The following RUNDC3B variants were observed in gnomAD, a reference collection of about 807,000 sequenced individuals.
RUNDC3B encodes the protein RUN domain-containing protein 3B.
RUNDC3B carries 33 observed loss-of-function variants against 58.4 expected under a neutral mutation model. The ratio of observed to expected loss-of-function variants is 0.56; its 90% CI spans 0.43 to 0.75. The LOEUF (loss-of-function observed/expected upper bound fraction) is 0.75. Ranked by LOEUF, RUNDC3B falls within the 30% of genes least tolerant of loss-of-function variation. The probability of loss-of-function intolerance (pLI) is 0.00; values close to 1 mark genes in which losing one functional copy is unlikely to be tolerated. For missense variants in RUNDC3B, 501 were observed against 535.7 expected, an observed-to-expected ratio of 0.94 and a Z score of 0.64; for synonymous variants, 193 against 195.2, an observed-to-expected ratio of 0.99 and a Z score of 0.10.
At chr7:87,822,631 A>G (rs1354651828) in intron 10 of RUNDC3B, among the ~76,000 whole-genome samples, 1 of 152,226 alleles carries the variant, frequency 6.6e-6, no homozygotes, top group East Asian at 1.9e-4. Context: ...AAGACTTGGA[A>G]CCAAGCCAAA....
At chr7:87,783,127 G>T (rs146340738) in intron 8 of RUNDC3B, among the ~76,000 whole-genome samples, 1 of 151,702 alleles carries the variant, frequency 6.6e-6, no homozygotes, top group Non-Finnish European at 1.5e-5. Flanking sequence ...ATGAATCTGG[G>T]TGCTCCAATG....
chr7:87,641,667 T>A lies in RUNDC3B; in HGVS notation c.123-9155T>A, dbSNP rs117276096. 5.1e-3 allele frequency among the ~76,000 whole-genome samples: 773 copies of A among 152,312 alleles called. 4 individuals are homozygous for A. Among genetic ancestry groups the A allele is most frequent in the Middle Eastern group, 0.014 (4 of 294 alleles). On this transcript the variant is annotated intron_variant, in intron 1 of 10. Coordinates refer to ENST00000394654, the MANE Select transcript of RUNDC3B (RefSeq NM_001134405.2). ...CTTCCTCTTTTACTCTGACACTAGA[T>A]TGCATATTCAAAAACAAATCCTCCA...
chr7:87,809,674 T>G (rs1646596564), intron 9 of RUNDC3B, among the ~76,000 whole-genome samples: 1 of 152,220 alleles, frequency 6.6e-6, no homozygotes. Context: ...CTAAACTTTC[T>G]GAACCTTATG....
chr7:87,787,987 G>A (rs539026884), intron 8 of RUNDC3B, among the ~76,000 whole-genome samples: 3 of 152,142 alleles, frequency 2.0e-5, no homozygotes, highest in Non-Finnish European at 4.4e-5. Context: ...AATAGTATTT[G>A]TATGTACCAT....
intron 2 of RUNDC3B, among the ~76,000 whole-genome samples, chr7:87,699,199 AT>A (rs2130685495): frequency 6.6e-6 from 1 of 152,240 alleles, no homozygotes; most frequent in East Asian, 1.9e-4. Context: ...GGAAGGGAGG[AT>A]TTAAAGTAAA....
intron 8 of RUNDC3B, among the ~76,000 whole-genome samples, chr7:87,803,055 TAA>T (rs2130927109): frequency 6.6e-6 from 1 of 152,218 alleles, no homozygotes; most frequent in Admixed American, 6.5e-5. Flanking sequence ...CTAAAAAGAA[TAA>T]AGCATCAGTG....
chr7:87,701,545 G>C (rs1033165503), intron 3 of RUNDC3B, among the ~76,000 whole-genome samples: 2 of 152,190 alleles, frequency 1.3e-5, no homozygotes, highest in Non-Finnish European at 1.5e-5. Flanking sequence ...ACAAAATCAT[G>C]TATGGGTAAA....
At chr7:87,785,095 G>A (rs993179211) in intron 8 of RUNDC3B, among the ~76,000 whole-genome samples, 1 of 152,028 alleles carries the variant, frequency 6.6e-6, no homozygotes, top group Admixed American at 6.5e-5. Context: ...TGTGGTGCCT[G>A]CAGCCCAGGG....
At chr7:87,693,829 C>A in intron 2 of RUNDC3B, 1 of 1,358,764 alleles carries the variant, frequency 7.4e-7, no homozygotes, top group East Asian at 2.3e-5. Context: ...CTTAGTTGGG[C>A]TATTCAGTTT....
chr7:87,698,351 C>G (rs984456394), intron 2 of RUNDC3B, among the ~76,000 whole-genome samples: 1 of 152,168 alleles, frequency 6.6e-6, no homozygotes, highest in African/African-American at 2.4e-5. Flanking sequence ...ACCTCGGCCT[C>G]CCAAAGTGCT....
intron 3 of RUNDC3B, among the ~76,000 whole-genome samples, chr7:87,704,266 A>G (rs1001527576): frequency 1.3e-5 from 2 of 152,016 alleles, no homozygotes; most frequent in African/African-American, 4.8e-5. Flanking sequence ...AATTATATCT[A>G]CATTTCTTTT....
chr7:87,700,834 G>A (rs1440051684), intron 3 of RUNDC3B, among the ~76,000 whole-genome samples: 9 of 152,042 alleles, frequency 5.9e-5, no homozygotes, highest in Non-Finnish European at 1.5e-5. Context: ...TTGCCTTTTC[G>A]CTGTGTTGAT....
At chr7:87,778,051 T>C (rs1435051434) in intron 8 of RUNDC3B, 96 bp downstream of exon 8, 4 of 1,014,800 alleles carry the variant, frequency 3.9e-6, no homozygotes, top group African/African-American at 3.3e-5. Flanking sequence ...AGAAATCTTA[T>C]TGCCTGTTAA....
chr7:87,801,762 C>CA (rs916226891), intron 8 of RUNDC3B, among the ~76,000 whole-genome samples: 2 of 151,766 alleles, frequency 1.3e-5, no homozygotes, highest in Admixed American at 6.6e-5. Flanking sequence ...AAGACTGTTT[C>CA]AAAAAAAATT....
chr7:87,689,289 T>G (rs1734482759), intron 2 of RUNDC3B, among the ~76,000 whole-genome samples: 1 of 152,122 alleles, frequency 6.6e-6, no homozygotes, highest in East Asian at 1.9e-4. Flanking sequence ...AATTCATGTT[T>G]ATGTTCATTT....
At chr7:87,685,892 T>C (rs555439561) in intron 2 of RUNDC3B, among the ~76,000 whole-genome samples, 34 of 152,336 alleles carry the variant, frequency 2.2e-4, no homozygotes, top group Non-Finnish European at 2.9e-4. Context: ...TCGATTATAA[T>C]ATGTAAGATT....
intron 1 of RUNDC3B, among the ~76,000 whole-genome samples, chr7:87,637,729 G>A (rs1392794059): frequency 1.3e-5 from 2 of 151,794 alleles, no homozygotes; most frequent in Admixed American, 6.6e-5. Flanking sequence ...TTGGTATATC[G>A]ATATAAATTT....
intron 4 of RUNDC3B, among the ~76,000 whole-genome samples, chr7:87,720,606 T>C (rs938991767): frequency 1.9e-4 from 29 of 151,342 alleles, no homozygotes; most frequent in African/African-American, 6.3e-4. Flanking sequence ...TTTTTTTTTT[T>C]CTTTTCTTTT....
chr7:87,758,363 AC>A (rs1421480970), intron 6 of RUNDC3B, among the ~76,000 whole-genome samples: 4 of 152,138 alleles, frequency 2.6e-5, no homozygotes, highest in African/African-American at 9.6e-5. Flanking sequence ...AAAACCGAAC[AC>A]CTGGAACTCT....
Sources: allele counts gnomAD v4.1 joint callset (sites outside exome capture counted in the v4.1 genomes callset), GRCh38; gene constraint gnomAD v4.1.1; transcripts MANE v1.5; gene names NCBI Gene and HGNC (gene_info 2026-07-23, HGNC 2026-07-21).